FAH: variants seen among roughly 807,000 people sequenced by gnomAD.
FAH encodes fumarylacetoacetate hydrolase.
Under a neutral mutation model 55.8 loss-of-function variants are expected in FAH, and 47 were observed. That is an observed-to-expected ratio of 0.84 (90% confidence interval 0.67 to 1.07). The LOEUF (loss-of-function observed/expected upper bound fraction) is 1.07, where lower values mean the gene tolerates loss of function less well. Ranked by LOEUF, FAH falls within the 50% of genes least tolerant of loss-of-function variation. The pLI is 0.00. For synonymous variants in FAH, 199 were observed against 207.7 expected (o/e 0.96, Z 0.36); for missense variants, 495 against 545.9 (o/e 0.91, Z 0.93).
intron 13 of FAH, among the ~76,000 whole-genome samples, chr15:80,183,680 C>T (rs568059308): frequency 6.6e-6 from 1 of 152,238 alleles, no homozygotes; most frequent in African/African-American, 2.4e-5. Flanking sequence ...ATTGGAAACG[C>T]GATAGAACAT....
In FAH at chr15:80,175,065, A is replaced by G; in HGVS notation, c.887A>G (p.Asp296Gly). ...TGCCATGACGAGCCCTACACATTTG[A>G]CATCAACCTCTCTGTTAACCTGAAA... ...YLCHDEPYTF[D>G]INLSVNLKGE... The change falls in exon 10 of 14, where the codon GAC becomes GGC. Residue 296 changes from aspartate to glycine, a missense_variant. Physicochemically the swap from Asp to Gly is moderately conservative, Grantham distance 94. Transcript: ENST00000561421. The G allele has an allele frequency of 6.2e-7, 1 of 1,614,150 alleles. No individual in the cohort carries two copies. The highest frequency in any genetic ancestry group is 8.5e-7 in the Non-Finnish European group (1 of 1,180,012).
Position 80,159,791 on chromosome 15 carries a change from T to C in FAH, c.228T>C (p.Ala76=). The change falls in exon 3 of 14, where the codon GCT becomes GCC. Residue 76 remains alanine (A), a synonymous_variant. Coordinates refer to ENST00000561421, the MANE Select transcript of FAH (RefSeq NM_000137.4). ...TLNSFMGLGQ[A]AWKEARVFLQ... ...ACAGCTTCATGGGCCTGGGTCAGGC[T>C]GCCTGGAAGGAGGCGAGAGTGTTCT... 1 of 1,614,236 alleles carries C rather than the reference T, an allele frequency of 6.2e-7. No individual in the cohort carries two copies. The highest frequency in any genetic ancestry group is 8.5e-7 in the Non-Finnish European group (1 of 1,180,042).
intron 5 of FAH, among the ~76,000 whole-genome samples, chr15:80,166,635 CT>C (rs768001652): frequency 1.0e-3 from 121 of 118,356 alleles, no homozygotes; most frequent in African/African-American, 1.7e-3. Context: ...TTTGCATTTT[CT>C]TTTTTTTTTT....
intron 10 of FAH, 192 bp from the exon 11 acceptor site, chr15:80,177,345 A>G: frequency 1.6e-6 from 1 of 622,666 alleles, no homozygotes; most frequent in East Asian, 2.8e-5. Context: ...GGAGGAAGTG[A>G]TGACTTGTGT....
chr15:80,184,735 G>T (rs533727085), intron 13 of FAH, among the ~76,000 whole-genome samples: 2 of 152,206 alleles, frequency 1.3e-5, no homozygotes, highest in South Asian at 4.1e-4. Flanking sequence ...GCTTCTTAGG[G>T]CCCCCCAAAG....
At chr15:80,160,637 G>A (rs2041141199) in intron 4 of FAH, 178 bp downstream of exon 4, 5 of 707,708 alleles carry the variant, frequency 7.1e-6, no homozygotes, top group African/African-American at 3.5e-5. Flanking sequence ...ATCCAGGCCC[G>A]GCATTCACTC....
At chr15:80,178,375 C>T (rs946898544) in intron 11 of FAH, among the ~76,000 whole-genome samples, 1 of 152,152 alleles carries the variant, frequency 6.6e-6, no homozygotes, top group Non-Finnish European at 1.5e-5. Context: ...AAGGTCACTC[C>T]TCTCCTGACC....
intron 5 of FAH, among the ~76,000 whole-genome samples, chr15:80,165,169 G>A (rs1269038993): frequency 6.6e-6 from 1 of 152,122 alleles, no homozygotes; most frequent in Non-Finnish European, 1.5e-5. Flanking sequence ...GAGGTGGGTG[G>A]ATCACAAGGT....
intron 5 of FAH, chr15:80,166,504 T>C (rs2041192863): frequency 6.6e-6 from 1 of 152,112 alleles, no homozygotes; most frequent in South Asian, 2.1e-4. Context: ...TTCTCTATTA[T>C]TAGTTTACAA....
At chr15:80,156,133 A>G (rs2041097272) in intron 1 of FAH, 2 of 281,348 alleles carry the variant, frequency 7.1e-6, no homozygotes, top group Admixed American at 4.6e-5. Flanking sequence ...CTGCTAAGTA[A>G]TGGGTGCCTT....
chr15:80,181,597 T>A (rs1293590859), intron 13 of FAH, among the ~76,000 whole-genome samples: 2 of 151,996 alleles, frequency 1.3e-5, no homozygotes, highest in African/African-American at 4.8e-5. Flanking sequence ...CTACCACATT[T>A]TACTAATAGA....
rs535506436 is a variant in FAH, at chr15:80,165,527, C to CA, written c.456-2507dup. Among the ~76,000 whole-genome samples, 701 of 106,720 alleles carry CA rather than the reference C, an allele frequency of 6.6e-3. 7 individuals carry two copies. The highest frequency in any genetic ancestry group is 0.019 in the African/African-American group (541 of 29,042). 70.0% of individuals were successfully genotyped at this position (106,720 alleles called of 152,430 possible). ...TGGGTGAGAGAGCGAGACTCCATCT[C>CA]AAAAAAAAAAAAAAAAAATTAGCTG... On this transcript the variant is annotated intron_variant, in intron 5 of 13. Transcript: ENST00000561421.
intron 12 of FAH, 115 bp from the exon 13 acceptor site, chr15:80,180,927 G>T: frequency 1.3e-6 from 1 of 792,908 alleles, no homozygotes; most frequent in Non-Finnish European, 2.2e-6. Context: ...GGGTCTCTGA[G>T]GGGCATGAGG....
At chr15:80,170,792 A>G (rs1595893979) in intron 7 of FAH, among the ~76,000 whole-genome samples, 1 of 152,204 alleles carries the variant, frequency 6.6e-6, no homozygotes. Context: ...AAAATTTGCA[A>G]TGTTTAACTA....
chr15:80,159,639 T>A, intron 2 of FAH, 117 bp from the exon 3 acceptor site: 1 of 1,179,386 alleles, frequency 8.5e-7, no homozygotes. Context: ...CCTGAGAGTT[T>A]GAGTTAGCGG....
At chr15:80,178,732 C>T (rs893982637) in intron 11 of FAH, among the ~76,000 whole-genome samples, 8 of 151,798 alleles carry the variant, frequency 5.3e-5, no homozygotes, top group East Asian at 1.9e-4. Context: ...TACAGGTGCC[C>T]GCCACCACGC....
At chr15:80,152,854 G>C (rs2041062180), upstream of FAH, 1 of 577,346 alleles carries the variant, frequency 1.7e-6, no homozygotes, top group Non-Finnish European at 3.1e-6. Context: ...AGGGGGGAGG[G>C]GCAGGGCTCG....
At chr15:80,180,413 A>C in intron 12 of FAH, 188 bp downstream of exon 12, 1 of 601,716 alleles carries the variant, frequency 1.7e-6, no homozygotes. Context: ...TTCAAACCTA[A>C]AGAGACTGGT....
At position 80,172,165 on chromosome 15, in the gene FAH, C is replaced by G. The variant is rs1358206254; in HGVS notation, c.623C>G (p.Pro208Arg). 1 of 1,614,078 alleles carries G rather than the reference C, an allele frequency of 6.2e-7. No homozygotes were observed. Among genetic ancestry groups the G allele is most frequent in the East Asian group, 2.2e-5 (1 of 44,884 alleles). The change falls in exon 8 of 14, where the codon CCT becomes CGT. Residue 208 changes from proline to arginine, a missense_variant. By Grantham distance (103) the Pro-to-Arg change is moderately radical. Transcript: ENST00000561421. ...MELEMAFFVG[P>R]GNRLGEPIPI... ...CCATGTAAGGCTTTTTTTGTAGGCC[C>G]TGGAAACAGATTGGGAGAGCCGATC...
Sources: gnomAD v4.1 joint callset for allele counts (sites outside exome capture counted in the v4.1 genomes callset) on GRCh38, gnomAD v4.1.1 for gene constraint, MANE v1.5 for transcripts, NCBI Gene and HGNC (gene_info 2026-07-23, HGNC 2026-07-21) for gene names.